RIN3: variants seen among roughly 807,000 people sequenced by gnomAD.
The protein encoded by RIN3 is RAB5 interacting protein 3.
Under a neutral mutation model 76.3 loss-of-function variants are expected in RIN3, and 54 were observed. The ratio of observed to expected loss-of-function variants is 0.71; its 90% CI spans 0.57 to 0.89. The LOEUF is 0.89. Ranked by LOEUF, RIN3 falls within the 40% of genes least tolerant of loss-of-function variation. The pLI is 0.00. For missense variants in RIN3, 1,256 were observed against 1,322.1 expected (o/e 0.95, Z 0.78); for synonymous variants, 576 against 564.0 (o/e 1.02, Z -0.30).
intron 7 of RIN3, among the ~76,000 whole-genome samples, chr14:92,673,761 C>A (rs577792501): frequency 6.6e-6 from 1 of 152,346 alleles, no homozygotes; most frequent in Admixed American, 6.5e-5. Context: ...ATGCGTCGGC[C>A]TCCCAGAGTG....
chr14:92,661,846 G>A (rs950997604), intron 7 of RIN3, among the ~76,000 whole-genome samples: 17 of 152,220 alleles, frequency 1.1e-4, no homozygotes, highest in Non-Finnish European at 2.2e-4. Flanking sequence ...GAGATATGAT[G>A]GGAAGAGAGA....
At chr14:92,540,527 T>C (rs10467863) in intron 1 of RIN3, among the ~76,000 whole-genome samples, 107,559 of 152,116 alleles carry the variant, frequency 0.71, 38,522 homozygotes, top group Middle Eastern at 0.8. Context: ...TTTGTGCATG[T>C]GTGAGAGATC....
intron 2 of RIN3, 112 bp downstream of exon 2, chr14:92,556,067 A>G: frequency 1.2e-6 from 1 of 846,264 alleles, no homozygotes. Flanking sequence ...AGATGACTGC[A>G]TGTTTATTTC....
rs1336300064 is a variant in RIN3, at chr14:92,681,317, G to A, written c.2468-3670G>A. Among the ~76,000 whole-genome samples, 1 of 113,814 alleles carries A rather than the reference G, an allele frequency of 8.8e-6. No individual in the cohort carries two copies. Among genetic ancestry groups the A allele is most frequent in the African/African-American group, 3.4e-5 (1 of 29,206 alleles). 74.7% of individuals were successfully genotyped at this position (113,814 alleles called of 152,430 possible). On this transcript the variant is annotated intron_variant, in intron 8 of 9. Coordinates refer to ENST00000216487, the MANE Select transcript of RIN3 (RefSeq NM_024832.5). The surrounding 1 kb of genome is among the most constrained non-coding windows in gnomAD (Gnocchi z 4.7). ...AGGCTGGCAGAGAGAGAGGCCTCAC[G>A]AAGAAGTCAGACTCCAGCACCAAGA...
At chr14:92,646,849 C>T (rs1887220081) in intron 5 of RIN3, among the ~76,000 whole-genome samples, 1 of 152,202 alleles carries the variant, frequency 6.6e-6, no homozygotes, top group South Asian at 2.1e-4. Context: ...AGTTTCTTTT[C>T]CTTAATACAC....
At position 92,534,239 on chromosome 14, in the gene RIN3, ATT is replaced by A. The variant is rs34391787; in HGVS notation, c.44+20283_44+20284del. Among the ~76,000 whole-genome samples, 257 of 126,542 alleles carry A rather than the reference ATT, an allele frequency of 2.0e-3. 2 individuals are homozygous for A. Among genetic ancestry groups the A allele is most frequent in the African/African-American group, 6.0e-3 (203 of 33,646 alleles). 83.0% of individuals were successfully genotyped at this position (126,542 alleles called of 152,430 possible). On this transcript the variant is annotated intron_variant, in intron 1 of 9. Transcript: ENST00000216487. The stretch of plus-strand genomic sequence containing the variant: ...AAAAAAATATCCTTTGAGTCATGTC[ATT>A]TTTTTTTTTTTTTTTTTTTACAGAT...
At chr14:92,589,711 G>T (rs575212861) in intron 3 of RIN3, among the ~76,000 whole-genome samples, 7 of 152,358 alleles carry the variant, frequency 4.6e-5, no homozygotes, top group Admixed American at 4.6e-4. Context: ...CTGGCACACA[G>T]TAGGTGCTCA....
At chr14:92,663,383 G>A (rs545814381) in intron 7 of RIN3, among the ~76,000 whole-genome samples, 4 of 152,186 alleles carry the variant, frequency 2.6e-5, no homozygotes, top group Non-Finnish European at 4.4e-5. Context: ...GGCTGGTGCC[G>A]CATGTGGTTG....
chr14:92,681,149 G>C lies in RIN3; in HGVS notation c.2468-3838G>C, dbSNP rs1888647483. Among the ~76,000 whole-genome samples, 1 of 152,188 alleles carries C rather than the reference G, an allele frequency of 6.6e-6. No individual in the cohort carries two copies. The highest frequency in any genetic ancestry group is 1.5e-5 in the Non-Finnish European group (1 of 68,036). ...AGTCTGCCTGACAGCTGGCCATGCC[G>C]GGCTGGTGTCTTTCCAGGGGCAGTG... On this transcript the variant is annotated intron_variant, in intron 8 of 9. Transcript: ENST00000216487. The surrounding 1 kb of genome is among the most constrained non-coding windows in gnomAD (Gnocchi z 4.7).
chr14:92,676,785 G>A (rs1217697209), intron 8 of RIN3, among the ~76,000 whole-genome samples, 179 bp downstream of exon 8: 5 of 152,184 alleles, frequency 3.3e-5, no homozygotes, highest in African/African-American at 1.2e-4. Context: ...CACAGATTAG[G>A]GGGAGAGATG....
At chr14:92,633,867 G>GTGTGTGTGTGTGTGTT (rs1253482105) in intron 4 of RIN3, among the ~76,000 whole-genome samples, 4 of 151,700 alleles carry the variant, frequency 2.6e-5, no homozygotes, top group African/African-American at 9.7e-5. Context: ...GTGTGTGTGT[G>GTGTGTGTGTGTGTGTT]TGTGTGTGTG....
intron 1 of RIN3, among the ~76,000 whole-genome samples, chr14:92,547,581 A>C (rs1406933820): frequency 6.6e-6 from 1 of 151,424 alleles, no homozygotes; most frequent in Non-Finnish European, 1.5e-5. Context: ...TTTTTTGTAG[A>C]GATAGTGTCT....
intron 1 of RIN3, among the ~76,000 whole-genome samples, chr14:92,526,155 T>G (rs1399610574): frequency 6.6e-6 from 1 of 152,108 alleles, no homozygotes; most frequent in African/African-American, 2.4e-5. Flanking sequence ...TTTTACCCCA[T>G]TTAAAAAACT....
At chr14:92,671,118 C>T (rs369463587) in intron 7 of RIN3, among the ~76,000 whole-genome samples, 1 of 152,160 alleles carries the variant, frequency 6.6e-6, no homozygotes, top group Admixed American at 6.5e-5. Context: ...GGCAGTGATG[C>T]GAGAGAGGCT....
At position 92,514,118 on chromosome 14, in the gene RIN3, C is replaced by T. The variant is rs1221138764; in HGVS notation, c.44+142C>T. The T allele has an allele frequency of 5.4e-6, 3 of 557,816 alleles. No individual in the cohort carries two copies. Among genetic ancestry groups the T allele is most frequent in the Non-Finnish European group, 8.0e-6 (3 of 372,754 alleles). 34.6% of individuals were successfully genotyped at this position (557,816 alleles called of 1,614,324 possible). ...GGCTGATACGGGACCCCCACCGTGG[C>T]CGAGGCCAGAACCTGGTTCTGCGGG... On this transcript the variant is annotated intron_variant, in intron 1 of 9. Coordinates refer to ENST00000216487, the MANE Select transcript of RIN3 (RefSeq NM_024832.5). The surrounding 1 kb of genome is among the most constrained non-coding windows in gnomAD (Gnocchi z 7.2).
intron 3 of RIN3, among the ~76,000 whole-genome samples, chr14:92,583,986 C>T (rs1566854236): frequency 1.3e-5 from 2 of 152,220 alleles, no homozygotes; most frequent in Non-Finnish European, 2.9e-5. Context: ...GTGAAGCTCG[C>T]CCTCCCAATG....
chr14:92,534,889 T>C (rs751263479), intron 1 of RIN3, among the ~76,000 whole-genome samples: 11 of 152,216 alleles, frequency 7.2e-5, no homozygotes, highest in Non-Finnish European at 1.3e-4. Flanking sequence ...GTCATTATAA[T>C]ACACATTTAT....
At chr14:92,611,699 A>G (rs1416399270) in intron 3 of RIN3, among the ~76,000 whole-genome samples, 1 of 152,186 alleles carries the variant, frequency 6.6e-6, no homozygotes, top group East Asian at 1.9e-4. Flanking sequence ...ACGTATTCAC[A>G]TGTATCACAT....
intron 3 of RIN3, among the ~76,000 whole-genome samples, chr14:92,615,141 C>T (rs369225278): frequency 2.0e-4 from 30 of 152,150 alleles, no homozygotes; most frequent in African/African-American, 6.7e-4. Context: ...GTACCCGGCC[C>T]GGGTATGTCT....
Sources: gnomAD v4.1 joint callset for allele counts (sites outside exome capture counted in the v4.1 genomes callset) on GRCh38, gnomAD v4.1.1 for gene constraint, Gnocchi (gnomAD v3.1) non-coding constraint, MANE v1.5 for transcripts, NCBI Gene and HGNC (gene_info 2026-07-23, HGNC 2026-07-21) for gene names.